The following MCPH1 variants were observed in gnomAD, a reference collection of about 807,000 sequenced individuals.
MCPH1 encodes microcephalin 1.
In MCPH1, 104 loss-of-function variants were observed where a neutral mutation model predicts 84.5. The ratio of observed to expected loss-of-function variants is 1.23; its 90% CI spans 1.05 to 1.45. MCPH1 has a LOEUF of 1.45. Ranked by LOEUF, MCPH1 falls within the 40% of genes most tolerant of loss-of-function variation. The pLI, the probability that MCPH1 is intolerant of heterozygous loss-of-function variation, is 0.00. For synonymous variants in MCPH1, 514 were observed against 366.8 expected, an observed-to-expected ratio of 1.40 and a Z score of -4.58; for missense variants, 1,498 against 1,005.7, an observed-to-expected ratio of 1.49 and a Z score of -6.62.
chr8:6,430,016 A>G (rs1801612012), intron 3 of MCPH1, among the ~76,000 whole-genome samples: 1 of 152,142 alleles, frequency 6.6e-6, no homozygotes, highest in Non-Finnish European at 1.5e-5. Context: ...TGTTTTCCCC[A>G]CAATGTCACC....
chr8:6,628,565 T>C (rs989001609), intron 13 of MCPH1, among the ~76,000 whole-genome samples: 7 of 151,782 alleles, frequency 4.6e-5, no homozygotes, highest in African/African-American at 1.5e-4. Flanking sequence ...ATAAGAAATA[T>C]TGTAGACAAG....
chr8:6,411,022 G>A (rs111921654), intron 2 of MCPH1, among the ~76,000 whole-genome samples: 3,012 of 152,120 alleles, frequency 0.02, 97 homozygotes, highest in African/African-American at 0.069. Context: ...CCTGGGAGGC[G>A]GAGGTTGCAT....
chr8:6,422,213 A>G (rs1563183628), intron 3 of MCPH1, among the ~76,000 whole-genome samples: 1 of 152,254 alleles, frequency 6.6e-6, no homozygotes, highest in Non-Finnish European at 1.5e-5. Flanking sequence ...GTTTCTAGTA[A>G]GTCTAACATT....
intron 12 of MCPH1, among the ~76,000 whole-genome samples, chr8:6,531,539 A>G (rs1178284579): frequency 6.6e-6 from 1 of 151,988 alleles, no homozygotes; most frequent in Non-Finnish European, 1.5e-5. Flanking sequence ...TGATCCACCC[A>G]TCTCGGCCTC....
intron 13 of MCPH1, among the ~76,000 whole-genome samples, chr8:6,642,299 G>A (rs538628727): frequency 1.3e-4 from 20 of 152,074 alleles, no homozygotes; most frequent in East Asian, 5.8e-4. Context: ...AATGCAGTGC[G>A]CTTGCCAGGA....
intron 12 of MCPH1, among the ~76,000 whole-genome samples, chr8:6,556,473 G>A (rs1227440937): frequency 2.0e-5 from 3 of 149,664 alleles, no homozygotes; most frequent in Non-Finnish European, 3.0e-5. Context: ...TCCCTCACAC[G>A]CCTGACTCCC....
chr8:6,526,937 T>A (rs1358455455), intron 12 of MCPH1, among the ~76,000 whole-genome samples: 9 of 152,160 alleles, frequency 5.9e-5, no homozygotes, highest in Non-Finnish European at 1.3e-4. Flanking sequence ...AATATTAATA[T>A]AATCATGTTT....
intron 12 of MCPH1, among the ~76,000 whole-genome samples, chr8:6,613,925 A>G (rs951752787): frequency 4.6e-5 from 7 of 151,922 alleles, no homozygotes; most frequent in Admixed American, 4.6e-4. Flanking sequence ...GACCTTTTTT[A>G]CTTTAATGGG....
intron 13 of MCPH1, among the ~76,000 whole-genome samples, chr8:6,628,572 C>G (rs945033753): frequency 2.0e-5 from 3 of 148,840 alleles, no homozygotes; most frequent in Non-Finnish European, 4.4e-5. Context: ...ATATTGTAGA[C>G]AAGGCAACAT....
intron 8 of MCPH1, among the ~76,000 whole-genome samples, chr8:6,451,560 GTGT>G (rs35428114): frequency 0.68 from 103,674 of 151,844 alleles, 39,219 homozygotes; most frequent in Non-Finnish European, 0.83. Flanking sequence ...CTATTGAAGA[GTGT>G]TGTTTTTGTT....
At chr8:6,577,107 G>T (rs112067298) in intron 12 of MCPH1, among the ~76,000 whole-genome samples, 7 of 152,284 alleles carry the variant, frequency 4.6e-5, no homozygotes, top group East Asian at 3.9e-4. Context: ...CTGGGTTCCT[G>T]CTGCACAGGA....
At chr8:6,495,393 G>C (rs1811115622) in intron 11 of MCPH1, among the ~76,000 whole-genome samples, 1 of 152,134 alleles carries the variant, frequency 6.6e-6, no homozygotes, top group Non-Finnish European at 1.5e-5. Flanking sequence ...TGAATTCTGT[G>C]CTTTTAACCA....
chr8:6,596,039 A>G (rs921468484), intron 12 of MCPH1, among the ~76,000 whole-genome samples: 36 of 152,186 alleles, frequency 2.4e-4, no homozygotes, highest in African/African-American at 8.4e-4. Flanking sequence ...TTTTTACAAA[A>G]AAGTATGTTT....
At chr8:6,628,964 GA>G (rs1486115406) in intron 13 of MCPH1, among the ~76,000 whole-genome samples, 17 of 152,344 alleles carry the variant, frequency 1.1e-4, no homozygotes, top group South Asian at 4.1e-4. Flanking sequence ...TTGCATATTA[GA>G]CAGTCAGTGT....
chr8:6,459,347 C>T (rs1380997316), intron 9 of MCPH1, among the ~76,000 whole-genome samples: 1 of 152,120 alleles, frequency 6.6e-6, no homozygotes, highest in Non-Finnish European at 1.5e-5. Context: ...ACAGTCTTGG[C>T]TCACTGCAAC....
At chr8:6,444,186 C>T (rs1803920382) in intron 7 of MCPH1, among the ~76,000 whole-genome samples, 1 of 152,168 alleles carries the variant, frequency 6.6e-6, no homozygotes, top group Non-Finnish European at 1.5e-5. Flanking sequence ...ACTGCTATCC[C>T]ATACACCCAT....
At chr8:6,595,834 A>G (rs1354487779) in intron 12 of MCPH1, among the ~76,000 whole-genome samples, 2 of 152,214 alleles carry the variant, frequency 1.3e-5, no homozygotes, top group African/African-American at 2.4e-5. Flanking sequence ...AGAGTCAGAT[A>G]CAATTGGGCA....
At chr8:6,437,214 A>C in intron 5 of MCPH1, among the ~76,000 whole-genome samples, 1 of 152,096 alleles carries the variant, frequency 6.6e-6, no homozygotes, top group East Asian at 1.9e-4. Flanking sequence ...AAATTATTCA[A>C]ATAGAATTGT....
intron 3 of MCPH1, among the ~76,000 whole-genome samples, chr8:6,420,562 C>G (rs1800024873): frequency 6.6e-6 from 1 of 151,918 alleles, no homozygotes. Flanking sequence ...GACTCAGTAT[C>G]AGCCAGCCAT....
Sources: allele counts gnomAD v4.1 joint callset (sites outside exome capture counted in the v4.1 genomes callset), GRCh38; gene constraint gnomAD v4.1.1; transcripts MANE v1.5; gene names NCBI Gene and HGNC (gene_info 2026-07-23, HGNC 2026-07-21).